PCDHGB1: variants seen among roughly 807,000 people sequenced by gnomAD.
The protein encoded by PCDHGB1 is protocadherin gamma-B1.
In PCDHGB1, 34 loss-of-function variants were observed where a neutral mutation model predicts 56.6. That is an observed-to-expected ratio of 0.60 (90% CI 0.46 to 0.80). The LOEUF is 0.80. Among genes scored for constraint, PCDHGB1 ranks in the 30% least tolerant of loss-of-function variants. The pLI is 0.00. For missense variants in PCDHGB1, 1,278 were observed against 1,204.6 expected, an observed-to-expected ratio of 1.06 and a Z score of -0.90; for synonymous variants, 561 against 505.9, an observed-to-expected ratio of 1.11 and a Z score of -1.46.
At chr5:141,399,205 A>G (rs1344993471) in intron 1 of PCDHGB1, 1 of 1,613,982 alleles carries the variant, frequency 6.2e-7, no homozygotes, top group Admixed American at 1.7e-5. Flanking sequence ...GGTGCCTGGA[A>G]CACTAATTGC....
chr5:141,408,048 G>C, intron 1 of PCDHGB1: 1 of 1,245,698 alleles, frequency 8.0e-7, no homozygotes, highest in Non-Finnish European at 1.1e-6. Context: ...CTCCCACACA[G>C]AGCCTCCCGG....
Position 141,352,378 on chromosome 5 carries a change from G to C in PCDHGB1, c.2118G>C (p.Ala706=). Residue 706 remains alanine (A), a synonymous_variant, in exon 1 of 4, where the codon GCG becomes GCC. Coordinates refer to ENST00000523390, the MANE Select transcript of PCDHGB1 (RefSeq NM_018922.3). ...TCTTTCTCCTCGCGGTGATTCTAGC[G>C]ATCGCCCTGCGCCTGCGACGTTCCT... ...SVLFLLAVIL[A]IALRLRRSSS... is the part of the protein sequence containing the mutation. The C allele has an allele frequency of 6.2e-7, 1 of 1,614,008 alleles. No individual in the cohort carries two copies. The highest frequency in any genetic ancestry group is 8.5e-7 in the Non-Finnish European group (1 of 1,179,902).
intron 1 of PCDHGB1, chr5:141,415,799 C>T (rs1037967294): frequency 5.2e-6 from 7 of 1,335,782 alleles, no homozygotes; most frequent in Non-Finnish European, 6.7e-6. Context: ...CACCTAGTCT[C>T]AATCAAGGCC....
At chr5:141,360,394 A>C (rs768829588) in intron 1 of PCDHGB1, 71 of 1,613,814 alleles carry the variant, frequency 4.4e-5, no homozygotes, top group Non-Finnish European at 5.8e-5. Flanking sequence ...CTTACTTGTG[A>C]GTGACAGAAT....
Position 141,485,631 on chromosome 5 carries a change from C to T in PCDHGB1, c.2410-9176C>T. 6.2e-7 allele frequency: 1 copy of T among 1,611,764 alleles called. No homozygotes were observed. The highest frequency in any genetic ancestry group is 8.5e-7 in the Non-Finnish European group (1 of 1,178,360). Reference sequence around the variant, plus strand: ...GCAGCTCCTCCAGGACAGCGTTTCCCGTTGGAAAAGGCTCAGGATGCAGAT... The same window carrying T: ...GCAGCTCCTCCAGGACAGCGTTTCCTGTTGGAAAAGGCTCAGGATGCAGAT... On this transcript the variant is annotated intron_variant, in intron 1 of 3. Coordinates refer to ENST00000523390, the MANE Select transcript of PCDHGB1 (RefSeq NM_018922.3). The surrounding 1 kb of genome is among the most constrained non-coding windows in gnomAD (Gnocchi z 5.7).
chr5:141,400,030 C>G (rs201599536), intron 1 of PCDHGB1: 3 of 1,613,050 alleles, frequency 1.9e-6, no homozygotes, highest in Non-Finnish European at 2.5e-6. Flanking sequence ...GGACGCGGCC[C>G]GCCAGCGCCT....
rs751805838 is a variant in PCDHGB1, at chr5:141,409,319, G to T, written c.2409+56650G>T. 3 of 1,613,988 alleles carry T rather than the reference G, an allele frequency of 1.9e-6. No homozygotes were observed. The Admixed American group carries it at 5.0e-5, about 27-fold the overall frequency. ...GGTTGTTGCCCTCTTCAAAACACGG[G>T]ATCTGGATTTCGGAGGAAATGGAGA... is the stretch of plus-strand genomic sequence containing the variant. On this transcript the variant is annotated intron_variant, in intron 1 of 3. Coordinates refer to ENST00000523390, the MANE Select transcript of PCDHGB1 (RefSeq NM_018922.3).
chr5:141,351,772 C>A lies in PCDHGB1; in HGVS notation c.1512C>A (p.Ser504Arg). The change falls in exon 1 of 4, where the codon AGC becomes AGA. Residue 504 changes from serine (S) to arginine (R), a missense_variant. By Grantham distance (110) the Ser-to-Arg change is moderately radical. Coordinates refer to ENST00000523390, the MANE Select transcript of PCDHGB1 (RefSeq NM_018922.3). ...AGCTGTTGTCCTACGTGTCCGTGAG[C>A]CCGCAGAGCGGGGTGGTGTTCGCGC... ...PRELLSYVSVSPQSGVVFAQR... is the reference protein window; with the variant it reads ...PRELLSYVSVRPQSGVVFAQR... 1 of 1,613,538 alleles carries A rather than the reference C, an allele frequency of 6.2e-7. No homozygotes were observed. Among genetic ancestry groups the A allele is most frequent in the Non-Finnish European group, 8.5e-7 (1 of 1,179,910 alleles).
intron 1 of PCDHGB1, among the ~76,000 whole-genome samples, chr5:141,481,675 C>T (rs943204061): frequency 4.0e-5 from 6 of 151,490 alleles, no homozygotes; most frequent in Non-Finnish European, 5.9e-5. Context: ...AAAATCAGGC[C>T]GGGCCTGGTG....
At chr5:141,404,302 T>G (rs377754198) in intron 1 of PCDHGB1, 1 of 1,613,858 alleles carries the variant, frequency 6.2e-7, no homozygotes, top group African/African-American at 1.3e-5. Flanking sequence ...ATAATCCACC[T>G]GCTTTCTCTC....
At position 141,487,080 on chromosome 5, in the gene PCDHGB1, C is replaced by G. The variant is rs2154580766; in HGVS notation, c.2410-7727C>G. 1 of 1,614,126 alleles carries G rather than the reference C, an allele frequency of 6.2e-7. No individual in the cohort carries two copies. Among genetic ancestry groups the G allele is most frequent in the East Asian group, 2.2e-5 (1 of 44,872 alleles). On this transcript the variant is annotated intron_variant, in intron 1 of 3. Coordinates refer to ENST00000523390, the MANE Select transcript of PCDHGB1 (RefSeq NM_018922.3). This position sits in a 1 kb window ranked among gnomAD's most constrained non-coding sequence, Gnocchi z 5.0. ...GTGCGGACGGCTGTTCCTATCCCAG[C>G]TGACCTCCCACCACAGAAGCTGGTC...
intron 1 of PCDHGB1, among the ~76,000 whole-genome samples, chr5:141,437,246 C>A (rs897787623): frequency 6.6e-6 from 1 of 152,144 alleles, no homozygotes; most frequent in Non-Finnish European, 1.5e-5. Context: ...CAAGGACTTT[C>A]CTTGTCTTTT....
At chr5:141,443,759 A>G (rs1055796439) in intron 1 of PCDHGB1, among the ~76,000 whole-genome samples, 2 of 152,228 alleles carry the variant, frequency 1.3e-5, no homozygotes, top group African/African-American at 2.4e-5. Flanking sequence ...GAAGCTTACA[A>G]TATACAATAT....
chr5:141,371,799 GCCT>G, intron 1 of PCDHGB1: 21 of 1,613,926 alleles, frequency 1.3e-5, no homozygotes, highest in Non-Finnish European at 1.7e-5. Context: ...TCCGCCTGGA[GCCT>G]CCATTGCGCA....
chr5:141,351,128 C>G lies in PCDHGB1; in HGVS notation c.868C>G (p.Leu290Val). The G allele has an allele frequency of 1.9e-6, 3 of 1,614,056 alleles. No homozygotes were observed. The highest frequency in any genetic ancestry group is 2.5e-6 in the Non-Finnish European group (3 of 1,179,902). ...NSPISTSLFN[L>V]NPNTGDITTN... ...CCCAATAAGTACCAGCCTCTTCAAT[C>G]TCAATCCAAATACTGGCGACATCAC... The change falls in exon 1 of 4, where the codon CTC becomes GTC. Residue 290 changes from leucine to valine, a missense_variant. By Grantham distance (32) the Leu-to-Val change is conservative. Coordinates refer to ENST00000523390, the MANE Select transcript of PCDHGB1 (RefSeq NM_018922.3).
intron 1 of PCDHGB1, chr5:141,422,717 T>A: frequency 6.2e-7 from 1 of 1,604,832 alleles, no homozygotes; most frequent in Non-Finnish European, 8.5e-7. Flanking sequence ...GATGACACTG[T>A]CCAGGGGGTG....
rs1758808833 is a variant in PCDHGB1 at position 141,351,757 on chromosome 5, C to T, written c.1497C>T (p.Ser499=). 2.5e-6 allele frequency: 4 copies of T among 1,613,638 alleles called. No homozygotes were observed. The highest frequency in any genetic ancestry group is 2.2e-5 in the East Asian group (1 of 44,886). ...ACCTGGAGCCGCGGGAGCTGTTGTC[C>T]TACGTGTCCGTGAGCCCGCAGAGCG... The part of the protein sequence containing the change: ...ASDLEPRELL[S]YVSVSPQSGV... The change falls in exon 1 of 4, where the codon TCC becomes TCT. Residue 499 remains serine, a synonymous_variant. Coordinates refer to ENST00000523390, the MANE Select transcript of PCDHGB1 (RefSeq NM_018922.3).
intron 1 of PCDHGB1, chr5:141,433,325 C>CA: frequency 2.8e-6 from 2 of 726,266 alleles, no homozygotes; most frequent in Non-Finnish European, 4.5e-6. Context: ...TCCGGTGTAA[C>CA]AGGGACTACA....
At chr5:141,453,087 T>G (rs2098755775) in intron 1 of PCDHGB1, among the ~76,000 whole-genome samples, 1 of 152,150 alleles carries the variant, frequency 6.6e-6, no homozygotes, top group Non-Finnish European at 1.5e-5. Context: ...TTGATTAGTA[T>G]ATTTTCTGTT....
Sources: gnomAD v4.1 joint callset for allele counts (sites outside exome capture counted in the v4.1 genomes callset) on GRCh38, gnomAD v4.1.1 for gene constraint, Gnocchi (gnomAD v3.1) non-coding constraint, MANE v1.5 for transcripts, NCBI Gene and HGNC (gene_info 2026-07-23, HGNC 2026-07-21) for gene names.